ATP13A4: variants seen among roughly 807,000 people sequenced by gnomAD.
ATP13A4 encodes the protein probable cation-transporting ATPase 13A4.
In ATP13A4, 114 loss-of-function variants were observed where a neutral mutation model predicts 142.5. The observed-to-expected ratio is 0.80, with a 90% CI of 0.69 to 0.93. The LOEUF is 0.93. Ranked by LOEUF, ATP13A4 falls within the 40% of genes least tolerant of loss-of-function variation. The pLI is 0.00. For synonymous variants in ATP13A4, 488 were observed against 514.8 expected (o/e 0.95, Z 0.70); for missense variants, 1,392 against 1,454.0 (o/e 0.96, Z 0.69).
chr3:193,406,838 G>A (rs1452495441), intron 29 of ATP13A4, among the ~76,000 whole-genome samples: 1 of 152,110 alleles, frequency 6.6e-6, no homozygotes, highest in Non-Finnish European at 1.5e-5. Flanking sequence ...GATTACCAAG[G>A]CCCAGGAGAA....
chr3:193,512,447 G>C (rs79301832), intron 2 of ATP13A4, among the ~76,000 whole-genome samples: 3,766 of 152,230 alleles, frequency 0.025, 52 homozygotes, highest in East Asian at 0.031. Flanking sequence ...TACCATCTGA[G>C]CCATACATCA....
At chr3:193,414,134 G>A (rs1481659856) in intron 26 of ATP13A4, among the ~76,000 whole-genome samples, 1 of 152,272 alleles carries the variant, frequency 6.6e-6, no homozygotes, top group East Asian at 1.9e-4. Context: ...AATATTGGGG[G>A]CAGGTTCCCC....
At chr3:193,463,508 C>A (rs1718082156) in intron 12 of ATP13A4, among the ~76,000 whole-genome samples, 1 of 150,974 alleles carries the variant, frequency 6.6e-6, no homozygotes. Context: ...GGTTTAAACA[C>A]CAGTTGTGTG....
At chr3:193,503,765 CT>C (rs2108677513) in intron 2 of ATP13A4, among the ~76,000 whole-genome samples, 1 of 152,260 alleles carries the variant, frequency 6.6e-6, no homozygotes, top group Non-Finnish European at 1.5e-5. Flanking sequence ...CTCCTTAAGT[CT>C]TTACATGGCT....
At chr3:193,566,504 C>A (rs1724138319) in intron 2 of ATP13A4, among the ~76,000 whole-genome samples, 1 of 152,134 alleles carries the variant, frequency 6.6e-6, no homozygotes, top group Non-Finnish European at 1.5e-5. Context: ...GCCTCTCAAC[C>A]CCTGGAACAT....
intron 1 of ATP13A4, among the ~76,000 whole-genome samples, chr3:193,519,621 T>G (rs1217023695): frequency 6.8e-6 from 1 of 147,008 alleles, no homozygotes; most frequent in African/African-American, 2.5e-5. Context: ...AATTTGCAAT[T>G]TGTAATTTTT....
intron 9 of ATP13A4, 146 bp from the exon 10 acceptor site, chr3:193,467,632 T>C (rs1718381003): frequency 5.1e-6 from 4 of 789,420 alleles, no homozygotes; most frequent in African/African-American, 5.1e-5. Flanking sequence ...GATACAAGCA[T>C]AAACATAGTT....
Position 193,419,361 on chromosome 3 carries a change from C to T in ATP13A4, c.2843-4611G>A, listed in dbSNP as rs139240296. Reference sequence around the variant, plus strand: ...GCCTCCTGAAGAAACAATGCCTTGGCAAAGTGGTCCAACTACCCCTCCCAG... The same window carrying T: ...GCCTCCTGAAGAAACAATGCCTTGGTAAAGTGGTCCAACTACCCCTCCCAG... On this transcript the variant is annotated intron_variant, in intron 25 of 29. Coordinates refer to ENST00000342695, the MANE Select transcript of ATP13A4 (RefSeq NM_032279.4). 1.8e-3 allele frequency among the ~76,000 whole-genome samples: 274 copies of T among 150,344 alleles called. 9 individuals carry two copies. Among genetic ancestry groups the T allele is most frequent in the African/African-American group, 6.5e-3 (264 of 40,920 alleles).
chr3:193,546,794 G>A (rs552984292), intron 1 of ATP13A4, among the ~76,000 whole-genome samples: 2 of 152,296 alleles, frequency 1.3e-5, no homozygotes, highest in Admixed American at 6.5e-5. Flanking sequence ...TTTGCCAAAC[G>A]AACCTGGTAA....
Position 193,414,733 on chromosome 3 carries a change from A to G in ATP13A4, c.2860T>C (p.Tyr954His), listed in dbSNP as rs138787975. ...IGVTMNLNGA[Y>H]PKLVPFRPAG... ...GGTCTGAAAGGCACCAGCTTAGGGTAGGCACCATTCAGATTCACTATAAAA... is the reference window on the plus strand; with the variant it reads ...GGTCTGAAAGGCACCAGCTTAGGGTGGGCACCATTCAGATTCACTATAAAA... Residue 954 changes from tyrosine to histidine, a missense_variant, in exon 26 of 30, where the codon TAC becomes CAC. Tyr to His is a moderately conservative substitution (Grantham distance 83). Transcript: ENST00000342695. 184 of 1,614,146 alleles carry G rather than the reference A, an allele frequency of 1.1e-4. 1 individual carries two copies. The African/African-American group carries it at 2.2e-3, about 19-fold the overall frequency.
chr3:193,483,020 A>C (rs2108657794), intron 8 of ATP13A4, among the ~76,000 whole-genome samples: 1 of 152,344 alleles, frequency 6.6e-6, no homozygotes, highest in South Asian at 2.1e-4. Context: ...GGATGAACAA[A>C]CTAGTATGTC....
At chr3:193,458,142 G>A (rs1717746304) in intron 14 of ATP13A4, among the ~76,000 whole-genome samples, 1 of 152,176 alleles carries the variant, frequency 6.6e-6, no homozygotes. Context: ...TGCTCCAGGA[G>A]ATTTGGAAGG....
chr3:193,465,207 G>A, intron 11 of ATP13A4, 79 bp from the exon 12 acceptor site: 1 of 1,460,262 alleles, frequency 6.8e-7, no homozygotes, highest in Non-Finnish European at 9.3e-7. Flanking sequence ...TTTTTTTTGA[G>A]GCGGAGTTTT....
At chr3:193,510,516 T>C (rs544619238) in intron 2 of ATP13A4, among the ~76,000 whole-genome samples, 35 of 152,318 alleles carry the variant, frequency 2.3e-4, no homozygotes, top group African/African-American at 8.2e-4. Context: ...ATATAAATCA[T>C]GTCATTTGCA....
intron 29 of ATP13A4, among the ~76,000 whole-genome samples, chr3:193,405,670 T>G (rs970636322): frequency 6.6e-5 from 10 of 152,098 alleles, no homozygotes; most frequent in African/African-American, 2.4e-4. Context: ...ACTAAGCCAG[T>G]CCTGAAGCCA....
intron 2 of ATP13A4, among the ~76,000 whole-genome samples, chr3:193,566,181 C>T (rs915628407): frequency 6.6e-6 from 1 of 152,142 alleles, no homozygotes; most frequent in African/African-American, 2.4e-5. Context: ...GGGTAATGGA[C>T]CTGCCCTTGT....
chr3:193,587,506 A>G lies in ATP13A4; in HGVS notation n.91+5515T>C, dbSNP rs537214692. Among the ~76,000 whole-genome samples the G allele has an allele frequency of 1.9e-4, 29 of 152,290 alleles. No homozygotes were observed. The South Asian group carries it at 5.4e-3, about 28-fold the overall frequency. On this transcript the variant is annotated intron_variant and non_coding_transcript_variant, in intron 1 of 3. Transcript: ENST00000489140. ...CCATCTCAATATCCTTCACTTAATCACATCTGCAAAGAGCCCTTTTCCAAG... is the reference window on the plus strand; with the variant it reads ...CCATCTCAATATCCTTCACTTAATCGCATCTGCAAAGAGCCCTTTTCCAAG...
chr3:193,470,154 T>C (rs1285440855), intron 9 of ATP13A4, among the ~76,000 whole-genome samples: 1 of 152,218 alleles, frequency 6.6e-6, no homozygotes, highest in Admixed American at 6.5e-5. Flanking sequence ...TTATGATTCT[T>C]CTTTATCTTA....
chr3:193,527,833 T>C (rs555505264), intron 1 of ATP13A4, among the ~76,000 whole-genome samples: 3 of 152,194 alleles, frequency 2.0e-5, no homozygotes, highest in Non-Finnish European at 4.4e-5. Flanking sequence ...ACACCCTGTC[T>C]GGGCCTGTTT....
Sources: allele counts gnomAD v4.1 joint callset (sites outside exome capture counted in the v4.1 genomes callset), GRCh38; gene constraint gnomAD v4.1.1; transcripts MANE v1.5; gene names NCBI Gene and HGNC (gene_info 2026-07-23, HGNC 2026-07-21).